TCOF1: variants seen among roughly 807,000 people sequenced by gnomAD.
TCOF1 encodes treacle protein.
In TCOF1, 33 loss-of-function variants were observed where a neutral mutation model predicts 149.0. That is an observed-to-expected ratio of 0.22 (90% CI 0.17 to 0.30). The LOEUF (loss-of-function observed/expected upper bound fraction) is 0.30, where lower values mean the gene tolerates loss of function less well. Among genes scored for constraint, TCOF1 ranks in the 10% least tolerant of loss-of-function variants. TCOF1 has a pLI of 1.00. For missense variants in TCOF1, 1,728 were observed against 1,840.7 expected (o/e 0.94, Z 1.12); for synonymous variants, 789 against 738.8 (o/e 1.07, Z -1.10).
In TCOF1 at chr5:150,387,912, C is replaced by T. The variant is rs1228663772; in HGVS notation, c.2870C>T (p.Pro957Leu). The change falls in exon 18 of 27, where the codon CCC becomes CTC. Residue 957 changes from proline to leucine, a missense_variant. Transcript: ENST00000643257. Reference protein sequence around the residue: ...AAVTSAQVIKPPLIFVDPNRS... With the variant: ...AAVTSAQVIKLPLIFVDPNRS... The stretch of plus-strand genomic sequence containing the variant: ...TTTTTGTTTTTCAAGGTGATTAAAC[C>T]CCCTCTGATTTTTGTCGACCCTAAT... The T allele has an allele frequency of 1.2e-6, 2 of 1,613,820 alleles. No homozygotes were observed. The highest frequency in any genetic ancestry group is 1.7e-6 in the Non-Finnish European group (2 of 1,180,004).
intron 7 of TCOF1, 152 bp downstream of exon 7, chr5:150,372,388 G>T: frequency 2.8e-6 from 2 of 706,392 alleles, no homozygotes; most frequent in Non-Finnish European, 4.7e-6. Context: ...TCCCACAGGG[G>T]AGTCTTGCAC....
chr5:150,371,710 C>T (rs1256190544), intron 6 of TCOF1, among the ~76,000 whole-genome samples: 2 of 152,140 alleles, frequency 1.3e-5, no homozygotes, highest in South Asian at 2.1e-4. Flanking sequence ...AGGCCAAGCC[C>T]GGTGTGTGCC....
intron 3 of TCOF1, 119 bp downstream of exon 3, chr5:150,364,371 G>A (rs1314963977): frequency 6.3e-6 from 9 of 1,430,238 alleles, no homozygotes; most frequent in African/African-American, 4.3e-5. Context: ...GAGGAGATTG[G>A]GAGGGCACCA....
At chr5:150,386,439 C>T (rs886725538) in intron 17 of TCOF1, among the ~76,000 whole-genome samples, 1 of 152,146 alleles carries the variant, frequency 6.6e-6, no homozygotes, top group Non-Finnish European at 1.5e-5. Context: ...TCGGAGCAGC[C>T]GCGGGGGAGG....
chr5:150,383,401 C>A (rs1235814491), intron 17 of TCOF1, among the ~76,000 whole-genome samples: 2 of 152,266 alleles, frequency 1.3e-5, no homozygotes, highest in East Asian at 3.8e-4. Context: ...TGGGGCGAAG[C>A]CCAGCTCTTC....
intron 7 of TCOF1, among the ~76,000 whole-genome samples, chr5:150,373,669 G>A (rs1763042604): frequency 6.6e-6 from 1 of 152,208 alleles, no homozygotes; most frequent in Non-Finnish European, 1.5e-5. Context: ...CTGTCCATGT[G>A]CAGAAAGTCC....
In TCOF1 at chr5:150,396,512, A is replaced by G; in HGVS notation, c.4015A>G (p.Ser1339Gly). 3 of 1,611,830 alleles carry G rather than the reference A, an allele frequency of 1.9e-6. No individual in the cohort carries two copies. The highest frequency in any genetic ancestry group is 2.5e-6 in the Non-Finnish European group (3 of 1,179,050). Residue 1339 changes from serine (S) to glycine (G), a missense_variant, in exon 24 of 27, where the codon AGC becomes GGC. Transcript: ENST00000643257. The part of the protein sequence containing the change: ...KKVVDTTKES[S>G]RKGWESRKRK... ...GGTGGTGGACACCACCAAGGAGAGC[A>G]GCAGGAAGGGCTGGGAGAGCCGCAA...
intron 6 of TCOF1, among the ~76,000 whole-genome samples, 188 bp downstream of exon 6, chr5:150,369,790 G>C (rs1762141168): frequency 6.6e-6 from 1 of 152,158 alleles, no homozygotes; most frequent in Non-Finnish European, 1.5e-5. Context: ...TGCACTCTGA[G>C]TGTGAGATCA....
At chr5:150,391,706 C>T in intron 20 of TCOF1, 49 bp downstream of exon 20, 1 of 1,546,538 alleles carries the variant, frequency 6.5e-7, no homozygotes, top group Non-Finnish European at 8.9e-7. Context: ...GTAGAAGGTG[C>T]AGGCGTGGCC....
In TCOF1 at chr5:150,379,739, C is replaced by G. The variant is rs1562387054; in HGVS notation, c.2859+7C>G. Reference sequence around the variant, plus strand: ...AGCTGTGACCTCTGCCCAGGTAAGACTTGCCAGGCCTCTGAGCCACCAACA... The same window carrying G: ...AGCTGTGACCTCTGCCCAGGTAAGAGTTGCCAGGCCTCTGAGCCACCAACA... On this transcript the variant is annotated splice_region_variant and intron_variant, in intron 17 of 26. Coordinates refer to ENST00000643257, the MANE Select transcript of TCOF1 (RefSeq NM_001371623.1). The G allele has an allele frequency of 6.2e-7, 1 of 1,613,312 alleles. No homozygotes were observed. Among genetic ancestry groups the G allele is most frequent in the Non-Finnish European group, 8.5e-7 (1 of 1,179,640 alleles).
At chr5:150,398,282 C>T (rs980217516) in intron 24 of TCOF1, 72 bp from the exon 25 acceptor site, 27 of 1,604,956 alleles carry the variant, frequency 1.7e-5, no homozygotes, top group Admixed American at 6.8e-5. Flanking sequence ...CTGCCCTGTG[C>T]ACCTCCCAAC....
At chr5:150,391,461 G>C in intron 19 of TCOF1, 83 bp from the exon 20 acceptor site, 1 of 1,264,872 alleles carries the variant, frequency 7.9e-7, no homozygotes, top group Non-Finnish European at 1.2e-6. Flanking sequence ...CCTCACCCCA[G>C]CCAGACAGCA....
chr5:150,383,082 T>G (rs777140862), intron 17 of TCOF1: 35 of 1,535,836 alleles, frequency 2.3e-5, no homozygotes, highest in Non-Finnish European at 2.9e-5. Context: ...ACTCCAAACC[T>G]GCCAGAAGCA....
At chr5:150,365,074 T>G (rs1048031537) in intron 3 of TCOF1, 1 of 151,986 alleles carries the variant, frequency 6.6e-6, no homozygotes, top group Admixed American at 6.6e-5. Context: ...ATTTTATTAT[T>G]TTTTTGAGAC....
rs568142083 is a variant in TCOF1, at chr5:150,358,396, C to T, written c.108+542C>T. The stretch of plus-strand genomic sequence containing the variant: ...GTCATTTCTTACTTGATTAATTCAA[C>T]TGTTAATCCGGTACTCAGGGTGCTT... On this transcript the variant is annotated intron_variant, in intron 1 of 26. Coordinates refer to ENST00000643257, the MANE Select transcript of TCOF1 (RefSeq NM_001371623.1). 1.3e-4 allele frequency among the ~76,000 whole-genome samples: 20 copies of T among 152,306 alleles called. 1 individual carries two copies. In the South Asian group the frequency reaches 4.1e-3, roughly 32 times the overall value.
intron 8 of TCOF1, 115 bp from the exon 9 acceptor site, chr5:150,374,502 T>C: frequency 6.4e-7 from 1 of 1,564,810 alleles, no homozygotes; most frequent in Non-Finnish European, 8.7e-7. Flanking sequence ...CCCAGCCCCT[T>C]ACTCCCCTCT....
chr5:150,379,008 C>A lies in TCOF1; in HGVS notation c.2444C>A (p.Ala815Glu). 1 of 1,614,076 alleles carries A rather than the reference C, an allele frequency of 6.2e-7. No homozygotes were observed. Among genetic ancestry groups the A allele is most frequent in the Non-Finnish European group, 8.5e-7 (1 of 1,180,014 alleles). Residue 815 changes from alanine to glutamate, a missense_variant, in exon 15 of 27, where the codon GCA becomes GAA. Physicochemically the swap from Ala to Glu is moderately radical, Grantham distance 107. Transcript: ENST00000643257. ...TCAGCCCCTGGAAAAGTTGTCACTG[C>A]AGCTGCTCAAGCCAAGCAGAGGTCT... Reference protein sequence around the residue: ...TISAPGKVVTAAAQAKQRSPS... With the variant: ...TISAPGKVVTEAAQAKQRSPS...
intron 4 of TCOF1, 107 bp downstream of exon 4, chr5:150,368,024 TGGATTCAGAG>T: frequency 8.0e-7 from 1 of 1,245,596 alleles, no homozygotes; most frequent in Non-Finnish European, 1.2e-6. Context: ...TTGCCCCACC[TGGATTCAGAG>T]CTCAACCTGT....
intron 14 of TCOF1, among the ~76,000 whole-genome samples, chr5:150,377,986 G>A (rs1764204414): frequency 6.6e-6 from 1 of 152,156 alleles, no homozygotes; most frequent in Non-Finnish European, 1.5e-5. Flanking sequence ...AGACTTGTTA[G>A]GTCAAGTCAG....
Sources: gnomAD v4.1 joint callset for allele counts (sites outside exome capture counted in the v4.1 genomes callset) on GRCh38, gnomAD v4.1.1 for gene constraint, MANE v1.5 for transcripts, NCBI Gene and HGNC (gene_info 2026-07-23, HGNC 2026-07-21) for gene names.